GPHN: variants seen among roughly 807,000 people sequenced by gnomAD.
GPHN encodes the protein gephyrin.
GPHN carries 17 observed loss-of-function variants against 95.5 expected under a neutral mutation model. The ratio of observed to expected loss-of-function variants is 0.18; its 90% CI spans 0.12 to 0.27. The LOEUF (loss-of-function observed/expected upper bound fraction) is 0.27, where lower values mean the gene tolerates loss of function less well. Among genes scored for constraint, GPHN ranks in the 10% least tolerant of loss-of-function variants. GPHN has a pLI of 1.00. For synonymous variants in GPHN, 320 were observed against 322.5 expected (o/e 0.99, Z 0.08); for missense variants, 660 against 978.1 (o/e 0.67, Z 4.34).
At chr14:67,699,589 CAAAAAAAAAAAAA>C in the GPHN span, among the ~76,000 whole-genome samples, 1 of 50,804 alleles carries the variant, frequency 2.0e-5, no homozygotes, top group South Asian at 7.2e-4. Context: ...GACCCTATCT[CAAAAAAAAAAAAA>C]AAAAAAAAAA....
intron 4 of GPHN, among the ~76,000 whole-genome samples, chr14:66,838,226 G>A (rs1420104301): frequency 3.9e-5 from 6 of 152,014 alleles, no homozygotes; most frequent in South Asian, 2.1e-4. Flanking sequence ...GGGTACTTAC[G>A]TTATGTAAAT....
At chr14:67,032,783 C>T (rs1319887761) in intron 10 of GPHN, among the ~76,000 whole-genome samples, 2 of 152,004 alleles carry the variant, frequency 1.3e-5, no homozygotes, top group Non-Finnish European at 2.9e-5. Flanking sequence ...GAGAGTGTCC[C>T]CTATATAAGG....
chr14:67,204,375 G>A, the GPHN span: 1 of 621,886 alleles, frequency 1.6e-6, no homozygotes, highest in African/African-American at 2.0e-5. Flanking sequence ...GGAAGTCGAG[G>A]CTGCAGTGAG....
At chr14:67,397,919 T>C in the GPHN span, 1 of 1,003,460 alleles carries the variant, frequency 1.0e-6, no homozygotes, top group African/African-American at 1.6e-5. Context: ...GTAACCAGAC[T>C]GTGCTGTGGA....
chr14:66,612,620 A>G (rs1276139225), intron 1 of GPHN, among the ~76,000 whole-genome samples: 2 of 152,096 alleles, frequency 1.3e-5, no homozygotes, highest in Admixed American at 1.3e-4. Flanking sequence ...TCTGAGCTGG[A>G]CAATTACGAC....
chr14:67,189,676 C>CA, the GPHN span: 1 of 151,806 alleles, frequency 6.6e-6, no homozygotes, highest in Non-Finnish European at 1.5e-5. Flanking sequence ...TATTTTTTTC[C>CA]ATCTTCCTCT....
At position 66,772,937 on chromosome 14, in the gene GPHN, G is replaced by A. The variant is rs560267120; in HGVS notation, c.144-3527G>A. ...ATCCTAGATATGATTTAATATATGAGCACTTTAGAAAAATTAATGCCTTGC... is the reference window on the plus strand; with the variant it reads ...ATCCTAGATATGATTTAATATATGAACACTTTAGAAAAATTAATGCCTTGC... On this transcript the variant is annotated intron_variant, in intron 2 of 22. Transcript: ENST00000478722. Among the ~76,000 whole-genome samples, 13 of 152,270 alleles carry A rather than the reference G, an allele frequency of 8.5e-5. No individual in the cohort carries two copies. In the East Asian group the frequency reaches 2.3e-3, roughly 27 times the overall value.
chr14:66,733,729 T>A (rs898818667), intron 2 of GPHN, among the ~76,000 whole-genome samples: 8 of 152,174 alleles, frequency 5.3e-5, no homozygotes, highest in African/African-American at 1.9e-4. Flanking sequence ...AAATAAGCAC[T>A]CTAATTTGTA....
chr14:66,592,659 T>C lies in GPHN; in HGVS notation c.64+84068T>C, dbSNP rs545207102. Among the ~76,000 whole-genome samples, 18 of 152,290 alleles carry C rather than the reference T, an allele frequency of 1.2e-4. No individual in the cohort carries two copies. The East Asian group carries it at 2.9e-3, about 24-fold the overall frequency. ...TAAAATGTCAGGAAACTACAGATGC[T>C]GGAGTGGATGTGGAACAATAGGACC... On this transcript the variant is annotated intron_variant, in intron 1 of 22. Transcript: ENST00000478722.
At chr14:67,315,466 T>C in the GPHN span, among the ~76,000 whole-genome samples, 1 of 151,942 alleles carries the variant, frequency 6.6e-6, no homozygotes. Flanking sequence ...TTAGTAGAGA[T>C]GGGGTTTCAC....
chr14:66,626,315 A>G (rs1337599776), intron 1 of GPHN, among the ~76,000 whole-genome samples: 1 of 152,154 alleles, frequency 6.6e-6, no homozygotes, highest in African/African-American at 2.4e-5. Context: ...TCTATATTAA[A>G]TATGATGTTT....
intron 1 of GPHN, among the ~76,000 whole-genome samples, chr14:66,547,731 G>A (rs570630990): frequency 2.8e-4 from 42 of 152,146 alleles, no homozygotes; most frequent in Non-Finnish European, 5.6e-4. Context: ...CAAGGAAACA[G>A]GACAACAACA....
the GPHN span, chr14:67,223,948 G>A: frequency 4.9e-4 from 487 of 984,802 alleles, no homozygotes; most frequent in Non-Finnish European, 5.6e-4. Context: ...AAATGAGTCC[G>A]TAATTCTAAT....
At chr14:67,678,949 G>A in the GPHN span, among the ~76,000 whole-genome samples, 7 of 152,204 alleles carry the variant, frequency 4.6e-5, no homozygotes, top group Admixed American at 4.6e-4. Flanking sequence ...AGGCGACACA[G>A]AAAAGAAATG....
chr14:66,634,494 ACG>A (rs2063995631), intron 1 of GPHN, among the ~76,000 whole-genome samples: 1 of 152,150 alleles, frequency 6.6e-6, no homozygotes, highest in African/African-American at 2.4e-5. Context: ...TCTAGGTGTC[ACG>A]TGGGGGCACC....
chr14:67,650,481 G>A, the GPHN span: 4 of 549,308 alleles, frequency 7.3e-6, no homozygotes, highest in Non-Finnish European at 1.3e-5. Flanking sequence ...AACAGGGATG[G>A]TTTATTTCAT....
At chr14:66,849,501 G>A (rs2153514755) in intron 4 of GPHN, among the ~76,000 whole-genome samples, 1 of 152,030 alleles carries the variant, frequency 6.6e-6, no homozygotes, top group South Asian at 2.1e-4. Flanking sequence ...TGTACTATCA[G>A]TTTATGAGAC....
At chr14:67,396,171 G>A in the GPHN span, among the ~76,000 whole-genome samples, 4 of 147,234 alleles carry the variant, frequency 2.7e-5, no homozygotes, top group Admixed American at 6.8e-5. Flanking sequence ...TTCTTGAGAC[G>A]GAGTCTTGCT....
chr14:66,565,351 G>T (rs956905542), intron 1 of GPHN, among the ~76,000 whole-genome samples: 1 of 152,016 alleles, frequency 6.6e-6, no homozygotes, highest in African/African-American at 2.4e-5. Context: ...GGCCGCAGCA[G>T]TGTATGGCTG....
Sources: allele counts gnomAD v4.1 joint callset (sites outside exome capture counted in the v4.1 genomes callset), GRCh38; gene constraint gnomAD v4.1.1; transcripts MANE v1.5; gene names NCBI Gene and HGNC (gene_info 2026-07-23, HGNC 2026-07-21).